Variants in SHTN1 observed in about 807,000 individuals in gnomAD.
SHTN1 encodes shootin 1.
Under a neutral mutation model 83.1 loss-of-function variants are expected in SHTN1, and 42 were observed. The observed-to-expected ratio is 0.51, with a 90% CI of 0.39 to 0.65. The LOEUF (loss-of-function observed/expected upper bound fraction) is 0.65, where lower values mean the gene tolerates loss of function less well. Ranked by LOEUF, SHTN1 falls within the 30% of genes least tolerant of loss-of-function variation. The pLI is 0.00. For synonymous variants in SHTN1, 224 were observed against 247.7 expected, an observed-to-expected ratio of 0.90 and a Z score of 0.90; for missense variants, 622 against 737.8, an observed-to-expected ratio of 0.84 and a Z score of 1.82.
At chr10:117,096,615 T>G (rs1853506372) in intron 1 of SHTN1, among the ~76,000 whole-genome samples, 1 of 152,230 alleles carries the variant, frequency 6.6e-6, no homozygotes, top group African/African-American at 2.4e-5. Context: ...TCATTAGACT[T>G]TATCCAAAAA....
At chr10:117,102,138 C>T (rs1206764735) in intron 1 of SHTN1, among the ~76,000 whole-genome samples, 1 of 151,452 alleles carries the variant, frequency 6.6e-6, no homozygotes, top group Non-Finnish European at 1.5e-5. Context: ...AGTTAAGGAA[C>T]AGACCCTGCT....
chr10:117,078,656 A>G (rs1564951691), intron 1 of SHTN1, among the ~76,000 whole-genome samples: 3 of 152,240 alleles, frequency 2.0e-5, no homozygotes, highest in Admixed American at 6.5e-5. Context: ...CATTACACAC[A>G]CTAGACCACT....
intron 2 of SHTN1, among the ~76,000 whole-genome samples, chr10:117,036,850 T>C (rs1252649733): frequency 2.0e-5 from 3 of 152,224 alleles, no homozygotes; most frequent in African/African-American, 7.2e-5. Flanking sequence ...ATAATGTGGC[T>C]ATTATGCATT....
chr10:117,083,028 C>A (rs1477283714), intron 1 of SHTN1, among the ~76,000 whole-genome samples: 1 of 149,978 alleles, frequency 6.7e-6, no homozygotes, highest in African/African-American at 2.4e-5. Context: ...GCATTTAGTC[C>A]ATTTACATTT....
intron 2 of SHTN1, among the ~76,000 whole-genome samples, chr10:116,970,706 T>C (rs1454759264): frequency 6.9e-6 from 1 of 145,284 alleles, no homozygotes; most frequent in Non-Finnish European, 1.5e-5. Flanking sequence ...GAGAGAGACT[T>C]ACTCTCAAAA....
In SHTN1 at chr10:116,957,155, CTAAG is replaced by C. The variant is rs555409704; in HGVS notation, c.268-2949_268-2946del. Among the ~76,000 whole-genome samples the C allele has an allele frequency of 1.4e-3, 217 of 151,902 alleles. 1 individual carries two copies. Among genetic ancestry groups the C allele is most frequent in the African/African-American group, 5.0e-3 (209 of 41,414 alleles). ...AGAATTCTGAATTCACAAATTTTGG[CTAAG>C]TAATTTCATTGTAGCTATTCATCAA... On this transcript the variant is annotated intron_variant, in intron 4 of 16. Transcript: ENST00000355371.
intron 1 of SHTN1, among the ~76,000 whole-genome samples, chr10:117,079,239 A>G (rs1307026126): frequency 8.0e-6 from 1 of 125,498 alleles, no homozygotes; most frequent in African/African-American, 3.1e-5. Context: ...TCCTGTGTCC[A>G]TGTGATCTCA....
intron 1 of SHTN1, among the ~76,000 whole-genome samples, chr10:116,979,669 C>T (rs1336354616): frequency 6.6e-6 from 1 of 152,246 alleles, no homozygotes; most frequent in Non-Finnish European, 1.5e-5. Context: ...TCATTAGGAA[C>T]ACCCATGATC....
Position 116,990,287 on chromosome 10 carries a change from CT to C in SHTN1, c.59-10980del, listed in dbSNP as rs11399364. Among the ~76,000 whole-genome samples, 795 of 119,874 alleles carry C rather than the reference CT, an allele frequency of 6.6e-3. 6 individuals carry two copies. The highest frequency in any genetic ancestry group is 0.024 in the African/African-American group (755 of 31,268). The allele number at this position is 119,874 out of a possible 152,430, so 78.6% of individuals were successfully genotyped here. On this transcript the variant is annotated intron_variant, in intron 1 of 16. Coordinates refer to ENST00000355371, the MANE Select transcript of SHTN1 (RefSeq NM_001127211.3). ...TCTTTTTTCTTTTTCTTTTTTCTTT[CT>C]TTTTTTTTTTTTTTTTGGTGTGGTT...
chr10:117,022,527 G>GAA (rs993436877), intron 2 of SHTN1, among the ~76,000 whole-genome samples: 2 of 148,426 alleles, frequency 1.3e-5, no homozygotes, highest in African/African-American at 4.9e-5. Flanking sequence ...AATATGCCAT[G>GAA]AAAAAAAAAA....
At chr10:116,896,136 C>A (rs747452222) in intron 16 of SHTN1, among the ~76,000 whole-genome samples, 1 of 152,250 alleles carries the variant, frequency 6.6e-6, no homozygotes, top group East Asian at 1.9e-4. Flanking sequence ...AACACACACA[C>A]AGAATGGAAG....
intron 16 of SHTN1, among the ~76,000 whole-genome samples, chr10:116,894,984 C>T (rs1039161561): frequency 6.6e-6 from 1 of 152,088 alleles, no homozygotes; most frequent in Non-Finnish European, 1.5e-5. Context: ...ATAAAAATGT[C>T]CTAAATCATA....
intron 1 of SHTN1, among the ~76,000 whole-genome samples, chr10:117,070,671 G>T (rs374866962): frequency 6.6e-6 from 1 of 151,072 alleles, no homozygotes; most frequent in Non-Finnish European, 1.5e-5. Context: ...TTGAGATCAC[G>T]CCTGACTTGC....
rs568879677 is a variant in SHTN1, at chr10:116,964,713, T to C, written c.172+3939A>G. 7.3e-4 allele frequency among the ~76,000 whole-genome samples: 111 copies of C among 152,310 alleles called. 2 individuals carry two copies. In the South Asian group the frequency reaches 0.022, roughly 30 times the overall value. On this transcript the variant is annotated intron_variant, in intron 3 of 16. Coordinates refer to ENST00000355371, the MANE Select transcript of SHTN1 (RefSeq NM_001127211.3). ...AAGACATGAAAGGGGCTGGGCGCGG[T>C]GGCTCATGCCTGTAATCCCAGCACT... is the stretch of plus-strand genomic sequence containing the variant.
intron 16 of SHTN1, among the ~76,000 whole-genome samples, chr10:116,890,911 A>T (rs1847323869): frequency 6.6e-6 from 1 of 152,252 alleles, no homozygotes; most frequent in Non-Finnish European, 1.5e-5. Context: ...ATTTTTAAAA[A>T]GGACATCGTT....
At chr10:117,026,789 G>T (rs1425733655) in intron 2 of SHTN1, among the ~76,000 whole-genome samples, 1 of 152,212 alleles carries the variant, frequency 6.6e-6, no homozygotes, top group East Asian at 1.9e-4. Flanking sequence ...CTCTGGGCCT[G>T]CCCAGGGCTG....
chr10:117,083,761 T>C (rs200161701), intron 1 of SHTN1, among the ~76,000 whole-genome samples: 58 of 150,382 alleles, frequency 3.9e-4, no homozygotes, highest in African/African-American at 1.0e-3. Flanking sequence ...CTCTAAACTT[T>C]CCTTCTCGCT....
intron 10 of SHTN1, among the ~76,000 whole-genome samples, chr10:116,928,992 T>C (rs1848850710): frequency 1.3e-5 from 2 of 152,172 alleles, no homozygotes; most frequent in South Asian, 4.1e-4. Context: ...TACTCTGATA[T>C]TCACTAAAAA....
chr10:116,925,607 T>A (rs758917637), intron 11 of SHTN1, among the ~76,000 whole-genome samples: 10 of 152,166 alleles, frequency 6.6e-5, no homozygotes, highest in Non-Finnish European at 1.5e-4. Flanking sequence ...TCTGCCTATA[T>A]CTGTATCTAT....
Sources: allele counts gnomAD v4.1 joint callset (sites outside exome capture counted in the v4.1 genomes callset), GRCh38; gene constraint gnomAD v4.1.1; transcripts MANE v1.5; gene names NCBI Gene and HGNC (gene_info 2026-07-23, HGNC 2026-07-21).